The following BANF2 variants were observed in gnomAD, a reference collection of about 807,000 sequenced individuals.
BANF2 encodes BANF family member 2, also known as barrier-to-autointegration factor-like protein.
Under a neutral mutation model 8.0 loss-of-function variants are expected in BANF2, and 4 were observed. The observed-to-expected ratio is 0.50, with a 90% CI of 0.25 to 1.14. The LOEUF (loss-of-function observed/expected upper bound fraction) is 1.14, where lower values mean the gene tolerates loss of function less well. Among genes scored for constraint, BANF2 ranks in the 50% most tolerant of loss-of-function variants. BANF2 has a pLI of 0.16. For synonymous variants in BANF2, 50 were observed against 40.6 expected (o/e 1.23, Z -0.88); for missense variants, 96 against 107.5 (o/e 0.89, Z 0.47).
intron 1 of BANF2, among the ~76,000 whole-genome samples, chr20:17,711,043 T>G (rs1006147693): frequency 1.3e-5 from 2 of 152,256 alleles, no homozygotes; most frequent in African/African-American, 4.8e-5. Flanking sequence ...TGTGAAATAC[T>G]TGGGCCATAC....
At chr20:17,704,339 T>C (rs1162457621) in intron 1 of BANF2, among the ~76,000 whole-genome samples, 1 of 152,186 alleles carries the variant, frequency 6.6e-6, no homozygotes, top group African/African-American at 2.4e-5. Flanking sequence ...AGCCTGAGAT[T>C]CTGCATTCCT....
intron 3 of BANF2, among the ~76,000 whole-genome samples, chr20:17,729,690 T>G (rs2037864701): frequency 6.6e-6 from 1 of 152,152 alleles, no homozygotes; most frequent in Admixed American, 6.5e-5. Context: ...GACCTGAGAT[T>G]GCACCACTGC....
intron 3 of BANF2, among the ~76,000 whole-genome samples, chr20:17,727,825 A>C (rs2037830814): frequency 6.6e-6 from 1 of 151,892 alleles, no homozygotes; most frequent in African/African-American, 2.4e-5. Flanking sequence ...GCTCACTGCA[A>C]CCTCCTCATC....
At position 17,725,108 on chromosome 20, in the gene BANF2, G is replaced by A; in HGVS notation, c.83G>A (p.Ser28Asn). Residue 28 changes from serine to asparagine, a missense_variant, in exon 3 of 4, where the codon AGC becomes AAC. Physicochemically the swap from Ser to Asn is conservative, Grantham distance 46 (BLOSUM62 1). Coordinates refer to ENST00000246090, the MANE Select transcript of BANF2 (RefSeq NM_178477.5). ...GATGTCTGCTGGGTGGATGGCATCAGCCATGAGCTCGCGATCAATTTGGTC... is the reference window on the plus strand; with the variant it reads ...GATGTCTGCTGGGTGGATGGCATCAACCATGAGCTCGCGATCAATTTGGTC... ...EKDVCWVDGI[S>N]HELAINLVTK... 1 of 1,613,012 alleles carries A rather than the reference G, an allele frequency of 6.2e-7. No individual in the cohort carries two copies. The highest frequency in any genetic ancestry group is 8.5e-7 in the Non-Finnish European group (1 of 1,178,888).
chr20:17,732,010 G>T (rs901747851), intron 3 of BANF2, among the ~76,000 whole-genome samples: 2 of 151,508 alleles, frequency 1.3e-5, no homozygotes, highest in African/African-American at 4.9e-5. Context: ...AGGTTGCAGT[G>T]AGCCAAGACC....
chr20:17,705,617 T>A (rs1326318686), intron 1 of BANF2, among the ~76,000 whole-genome samples: 1 of 152,226 alleles, frequency 6.6e-6, no homozygotes, highest in Admixed American at 6.5e-5. Context: ...GTAAATAGGC[T>A]GGTGTACATT....
chr20:17,705,279 G>T (rs941751261), intron 1 of BANF2, among the ~76,000 whole-genome samples: 1 of 152,206 alleles, frequency 6.6e-6, no homozygotes, highest in Non-Finnish European at 1.5e-5. Flanking sequence ...CAGTTAGAAA[G>T]CTAAAAAATT....
chr20:17,722,794 C>T lies in BANF2; in HGVS notation c.-88C>T, dbSNP rs140272213. 1.7e-4 allele frequency: 169 copies of T among 984,690 alleles called. No homozygotes were observed. Among genetic ancestry groups the T allele is most frequent in the Middle Eastern group, 5.2e-4 (1 of 1,912 alleles). The allele number at this position is 984,690 out of a possible 1,614,324, so 61.0% of individuals were successfully genotyped here. A position where few individuals can be genotyped will look rare whatever the true frequency, so the allele number is the denominator to read the frequency against. On this transcript the variant is annotated 5_prime_UTR_variant, in exon 2 of 4. Transcript: ENST00000246090. ...TCAGTGCCTTTGGATTCATCTCTTCCGGGAGAGTTCAGTGTCTTCTGAAAT... is the reference window on the plus strand; with the variant it reads ...TCAGTGCCTTTGGATTCATCTCTTCTGGGAGAGTTCAGTGTCTTCTGAAAT...
At chr20:17,701,501 C>T (rs2037408581) in intron 1 of BANF2, among the ~76,000 whole-genome samples, 1 of 152,202 alleles carries the variant, frequency 6.6e-6, no homozygotes, top group Non-Finnish European at 1.5e-5. Context: ...AGAGAATGGG[C>T]TGCTTTGCAA....
At chr20:17,725,612 A>C (rs916687981) in intron 3 of BANF2, among the ~76,000 whole-genome samples, 11 of 152,144 alleles carry the variant, frequency 7.2e-5, no homozygotes, top group Non-Finnish European at 1.5e-5. Context: ...CTATGATGTC[A>C]CTCTCAGCCC....
At chr20:17,704,035 C>A (rs1486492258) in intron 1 of BANF2, among the ~76,000 whole-genome samples, 1 of 152,208 alleles carries the variant, frequency 6.6e-6, no homozygotes, top group Admixed American at 6.5e-5. Flanking sequence ...GAACCACTGT[C>A]CCCAGCTGGC....
At chr20:17,717,503 A>G (rs1229580950) in intron 1 of BANF2, among the ~76,000 whole-genome samples, 1 of 152,190 alleles carries the variant, frequency 6.6e-6, no homozygotes, top group Non-Finnish European at 1.5e-5. Context: ...GAGCAAAAGA[A>G]GCAAATTTAA....
intron 1 of BANF2, among the ~76,000 whole-genome samples, chr20:17,719,560 T>A (rs2037700820): frequency 6.6e-6 from 1 of 152,128 alleles, no homozygotes; most frequent in Admixed American, 6.5e-5. Flanking sequence ...GATGGCATCA[T>A]GTGTTGGGGG....
intron 1 of BANF2, among the ~76,000 whole-genome samples, chr20:17,708,045 TCAAAAAAAAA>T (rs1200650694): frequency 3.4e-5 from 2 of 58,578 alleles, no homozygotes; most frequent in Non-Finnish European, 6.9e-5. Context: ...CTACTAAAAA[TCAAAAAAAAA>T]AAAAAAAAAA....
At chr20:17,705,007 C>T (rs997349478) in intron 1 of BANF2, among the ~76,000 whole-genome samples, 1 of 152,218 alleles carries the variant, frequency 6.6e-6, no homozygotes, top group Non-Finnish European at 1.5e-5. Context: ...CGCGTGTCCA[C>T]AATGATGCAG....
chr20:17,702,161 C>T (rs148492101), intron 1 of BANF2, among the ~76,000 whole-genome samples: 38 of 152,306 alleles, frequency 2.5e-4, no homozygotes, highest in African/African-American at 7.5e-4. Context: ...CTCCATCTGC[C>T]GCCTCCCAGC....
rs975756197 is a variant in BANF2 at position 17,702,977 on chromosome 20, G to T, written c.-167+2922G>T. ...TGGTGGCGGTGTGCTAGACGCTGCT[G>T]CTCTGGGCCCTGCTGACTTTTGTGA... On this transcript the variant is annotated intron_variant, in intron 1 of 3. Coordinates refer to ENST00000246090, the MANE Select transcript of BANF2 (RefSeq NM_178477.5). Among the ~76,000 whole-genome samples the T allele has an allele frequency of 3.9e-5, 6 of 152,160 alleles. No individual in the cohort carries two copies. In the East Asian group the frequency reaches 7.7e-4, roughly 20 times the overall value.
intron 2 of BANF2, among the ~76,000 whole-genome samples, chr20:17,724,050 G>A (rs1364313790): frequency 6.6e-6 from 1 of 152,098 alleles, no homozygotes; most frequent in Non-Finnish European, 1.5e-5. Context: ...TAACAAAATG[G>A]CCGGTTTTGC....
intron 1 of BANF2, among the ~76,000 whole-genome samples, chr20:17,706,190 CT>C (rs2037479516): frequency 6.6e-6 from 1 of 152,156 alleles, no homozygotes; most frequent in African/African-American, 2.4e-5. Flanking sequence ...GTGAAGGTTC[CT>C]AGAGCCAAGT....
Sources: gnomAD v4.1 joint callset for allele counts (sites outside exome capture counted in the v4.1 genomes callset) on GRCh38, gnomAD v4.1.1 for gene constraint, MANE v1.5 for transcripts, NCBI Gene and HGNC (gene_info 2026-07-23, HGNC 2026-07-21) for gene names.